The following KIF12 variants were observed in gnomAD, a reference collection of about 807,000 sequenced individuals.
KIF12 encodes the protein kinesin family member 12, also known as kinesin-like protein KIF12.
Under a neutral mutation model 87.9 loss-of-function variants are expected in KIF12, and 80 were observed. The ratio of observed to expected loss-of-function variants is 0.91; its 90% CI spans 0.76 to 1.10. KIF12 has a LOEUF of 1.10. Among genes scored for constraint, KIF12 ranks in the 50% least tolerant of loss-of-function variants. The pLI is 0.00. For missense variants in KIF12, 819 were observed against 865.3 expected (o/e 0.95, Z 0.67); for synonymous variants, 353 against 348.5 (o/e 1.01, Z -0.14).
rs748381825 is a variant in KIF12 at position 114,094,373 on chromosome 9, A to G, written c.1202T>C (p.Leu401Pro). ...QEENRRLQFQLDQMDCKASGL... is the reference protein window; with the variant it reads ...QEENRRLQFQPDQMDCKASGL... Reference sequence around the variant, plus strand: ...CATACCCTTGCAGTCCATTTGGTCCAGCTGGAACTGCAGGCGACGGTTCTC... The same window carrying G: ...CATACCCTTGCAGTCCATTTGGTCCGGCTGGAACTGCAGGCGACGGTTCTC... Residue 401 changes from leucine to proline, a missense_variant, in exon 12 of 19, where the codon CTG (leucine) becomes CCG (proline). Physicochemically the swap from Leu to Pro is moderately conservative, Grantham distance 98. Coordinates refer to ENST00000640217, the MANE Select transcript of KIF12 (RefSeq NM_001388308.1). 1 of 1,613,650 alleles carries G rather than the reference A, an allele frequency of 6.2e-7. No individual in the cohort carries two copies. Among genetic ancestry groups the G allele is most frequent in the Non-Finnish European group, 8.5e-7 (1 of 1,179,664 alleles).
rs762860143 is a variant in KIF12, at chr9:114,096,248, C to G, written c.739-41G>C. 3.7e-6 allele frequency: 6 copies of G among 1,611,428 alleles called. No individual in the cohort carries two copies. The African/African-American group carries it at 4.0e-5, about 11-fold the overall frequency. ...TTCATGGGGACTTGGGAGGGACCGTCCCCATCAAAGCCACAAGGTTATGGG... is the reference window on the plus strand; with the variant it reads ...TTCATGGGGACTTGGGAGGGACCGTGCCCATCAAAGCCACAAGGTTATGGG... On this transcript the variant is annotated intron_variant, in intron 8 of 18. Coordinates refer to ENST00000640217, the MANE Select transcript of KIF12 (RefSeq NM_001388308.1).
rs747357092 is a variant in KIF12, at chr9:114,097,718, G to A, written c.399C>T (p.Pro133=). The A allele has an allele frequency of 6.2e-7, 1 of 1,613,730 alleles. No homozygotes were observed. The highest frequency in any genetic ancestry group is 1.3e-5 in the African/African-American group (1 of 74,918). ...PPQGEGVPVP[P]SLAGIMQRTF... is the part of the protein sequence containing the mutation. ...TCCTCTGCATGATGCCAGCCAGGCTGGGGGGTACAGGCACCCCCTCCCCCT... is the reference window on the plus strand; with the variant it reads ...TCCTCTGCATGATGCCAGCCAGGCTAGGGGGTACAGGCACCCCCTCCCCCT... Residue 133 remains proline (P), a synonymous_variant, in exon 6 of 19, where the codon CCC becomes CCT. Transcript: ENST00000640217.
At chr9:114,093,370 T>C (rs751815267) in intron 15 of KIF12, 37 bp from the exon 16 acceptor site, 1 of 1,554,990 alleles carries the variant, frequency 6.4e-7, no homozygotes, top group Non-Finnish European at 8.7e-7. Flanking sequence ...ATGACATCCC[T>C]ACTTGTCACC....
At position 114,099,040 on chromosome 9, in the gene KIF12, T is replaced by C. The variant is rs1365200635; in HGVS notation, c.93-27A>G. On this transcript the variant is annotated intron_variant, in intron 2 of 18. Transcript: ENST00000640217. ...TGGGGTCCGACAGAAGGGCAGATGGTACATCCTGATGTCTTCCTCGATCCT... is the reference window on the plus strand; with the variant it reads ...TGGGGTCCGACAGAAGGGCAGATGGCACATCCTGATGTCTTCCTCGATCCT... 4 of 1,550,306 alleles carry C rather than the reference T, an allele frequency of 2.6e-6. No individual in the cohort carries two copies. The South Asian group carries it at 4.8e-5, about 18-fold the overall frequency.
chr9:114,095,151 C>T (rs754819773), intron 10 of KIF12, 24 bp from the exon 11 acceptor site: 16 of 1,607,074 alleles, frequency 1.0e-5, no homozygotes, highest in Admixed American at 6.7e-5. Context: ...TCCCCCTGAG[C>T]GCTCCTCTCT....
chr9:114,098,229 C>A, intron 4 of KIF12, 39 bp from the exon 5 acceptor site: 1 of 1,520,314 alleles, frequency 6.6e-7, no homozygotes. Flanking sequence ...CCGGCGGCTA[C>A]CCGGGGTGGG....
Position 114,096,401 on chromosome 9 carries a change from T to C in KIF12, c.724A>G (p.Ile242Val). Residue 242 changes from isoleucine to valine, a missense_variant, in exon 8 of 19, where the codon ATC becomes GTC. By Grantham distance (29) the Ile-to-Val change is conservative (BLOSUM62 3). Transcript: ENST00000640217. Reference protein sequence around the residue: ...SRSHALLTLYISRQTAQQMPS... With the variant: ...SRSHALLTLYVSRQTAQQMPS... ...GGAGCACTCACAGTTTGACGGCTGA[T>C]GTAAAGGGTGAGCAGGGCATGGCTT... 1.2e-6 allele frequency: 2 copies of C among 1,613,052 alleles called. No homozygotes were observed. The highest frequency in any genetic ancestry group is 1.7e-6 in the Non-Finnish European group (2 of 1,179,662).
chr9:114,092,718 A>T, intron 16 of KIF12, 76 bp from the exon 17 acceptor site: 1 of 1,522,658 alleles, frequency 6.6e-7, no homozygotes, highest in South Asian at 1.2e-5. Flanking sequence ...GGTGCTAGCC[A>T]TGACACCCCA....
At position 114,091,941 on chromosome 9, in the gene KIF12, T is replaced by C; in HGVS notation, c.1876A>G (p.Ser626Gly). The change falls in exon 19 of 19, where the codon AGC (serine) becomes GGC (glycine). Residue 626 changes from serine (S) to glycine (G), a missense_variant. Ser to Gly is a moderately conservative substitution (Grantham distance 56). Transcript: ENST00000640217. Reference protein sequence around the residue: ...RLEALRDQIGSSLRRGRSQPP... With the variant: ...RLEALRDQIGGSLRRGRSQPP... The stretch of plus-strand genomic sequence containing the variant: ...TGGCTGCGGCCACGTCGCAGGGAGC[T>C]GCCAATCTGGTCTCTGAGGGCCTCC... 6.2e-7 allele frequency: 1 copy of C among 1,613,006 alleles called. No homozygotes were observed. The highest frequency in any genetic ancestry group is 8.5e-7 in the Non-Finnish European group (1 of 1,179,782).
chr9:114,097,424 G>A lies in KIF12; in HGVS notation c.523C>T (p.Leu175=). Residue 175 remains leucine (L), a synonymous_variant, in exon 7 of 19, where the codon CTG becomes TTG. Coordinates refer to ENST00000640217, the MANE Select transcript of KIF12 (RefSeq NM_001388308.1). ...EIYNEQVRDL[L]SLGSPRPLPV... The stretch of plus-strand genomic sequence containing the variant: ...AGGGGCCGGGGAGACCCCAGGCTCA[G>A]CAAGTCCCGAACCTGGGAGGGGAGG... 6.3e-7 allele frequency: 1 copy of A among 1,594,222 alleles called. No homozygotes were observed.
In KIF12 at chr9:114,091,944, C is replaced by G. The variant is rs770077294; in HGVS notation, c.1873G>C (p.Gly625Arg). Reference sequence around the variant, plus strand: ...CTGCGGCCACGTCGCAGGGAGCTGCCAATCTGGTCTCTGAGGGCCTCCAGT... The same window carrying G: ...CTGCGGCCACGTCGCAGGGAGCTGCGAATCTGGTCTCTGAGGGCCTCCAGT... ...QRLEALRDQI[G>R]SSLRRGRSQP... is the part of the protein sequence containing the mutation. The change falls in exon 19 of 19, where the codon GGC (glycine) becomes CGC (arginine). Residue 625 changes from glycine to arginine, a missense_variant. Transcript: ENST00000640217. 16 of 1,612,876 alleles carry G rather than the reference C, an allele frequency of 9.9e-6. No homozygotes were observed. The highest frequency in any genetic ancestry group is 1.7e-6 in the Non-Finnish European group (2 of 1,179,800).
chr9:114,098,520 CGG>C (rs1491190901), intron 3 of KIF12, 91 bp from the exon 4 acceptor site: 40 of 475,994 alleles, frequency 8.4e-5, no homozygotes, highest in African/African-American at 6.7e-4. Flanking sequence ...GCGGGGCACG[CGG>C]GAGGAGGGCG....
rs757349225 is a variant in KIF12 at position 114,098,926 on chromosome 9, G to A, written c.171+9C>T. ...TTTTATTGGGGAGATAGAGAGAGGGGTTCCTCACCTGCAGAGTCCGGGTCC... is the reference window on the plus strand; with the variant it reads ...TTTTATTGGGGAGATAGAGAGAGGGATTCCTCACCTGCAGAGTCCGGGTCC... On this transcript the variant is annotated intron_variant, in intron 3 of 18. Transcript: ENST00000640217. 1 of 1,546,510 alleles carries A rather than the reference G, an allele frequency of 6.5e-7. No individual in the cohort carries two copies. The highest frequency in any genetic ancestry group is 1.2e-5 in the South Asian group (1 of 83,954).
At position 114,095,325 on chromosome 9, in the gene KIF12, G is replaced by A; in HGVS notation, c.903C>T (p.Cys301=). ...INRSLLALGH[C]ISLLLDPQRK... ...GCTGTGGGTCCAGCAGCAGGGAGAT[G>A]CAGTGACCTGGGGAGGGAGAGCAAG... The change falls in exon 10 of 19, where the codon TGC becomes TGT. Residue 301 remains cysteine, a synonymous_variant. Coordinates refer to ENST00000640217, the MANE Select transcript of KIF12 (RefSeq NM_001388308.1). 6.2e-7 allele frequency: 1 copy of A among 1,613,126 alleles called. No homozygotes were observed. Among genetic ancestry groups the A allele is most frequent in the Non-Finnish European group, 8.5e-7 (1 of 1,179,956 alleles).
chr9:114,095,407 G>T, intron 9 of KIF12, 75 bp from the exon 10 acceptor site: 1 of 1,489,042 alleles, frequency 6.7e-7, no homozygotes, highest in Non-Finnish European at 9.1e-7. Context: ...CTGCAGAGTT[G>T]GGCTCTCCAC....
intron 17 of KIF12, 38 bp downstream of exon 17, chr9:114,092,504 C>T (rs1461645151): frequency 6.2e-7 from 1 of 1,613,480 alleles, no homozygotes; most frequent in Admixed American, 1.7e-5. Context: ...TTCCCCAGAC[C>T]ACCCCTCTCT....
chr9:114,099,096 A>G lies in KIF12; in HGVS notation c.92+8T>C, dbSNP rs565097310. The stretch of plus-strand genomic sequence containing the variant: ...CGCCCAGGTGCCTCCTAGCCAATTT[A>G]TACCCACCTGAGCACCACCTGGATG... On this transcript the variant is annotated splice_region_variant and intron_variant, in intron 2 of 18. Transcript: ENST00000640217. 69 of 1,550,384 alleles carry G rather than the reference A, an allele frequency of 4.5e-5. No homozygotes were observed. The African/African-American group carries it at 8.5e-4, about 19-fold the overall frequency.
intron 3 of KIF12, 82 bp from the exon 4 acceptor site, chr9:114,098,511 CG>C: frequency 2.0e-6 from 1 of 492,064 alleles, no homozygotes; most frequent in East Asian, 1.1e-4. Context: ...TGGAGGAGGG[CG>C]GGGCACGCGG....
chr9:114,098,356 T>A lies in KIF12; in HGVS notation c.245A>T (p.Glu82Val). 3.3e-6 allele frequency: 5 copies of A among 1,497,972 alleles called. No homozygotes were observed. Among genetic ancestry groups the A allele is most frequent in the Non-Finnish European group, 4.4e-6 (5 of 1,128,394 alleles). 92.8% of individuals were successfully genotyped at this position (1,497,972 alleles called of 1,614,324 possible). ...GAVLDAARTQ[E>V]DVFRACGVRR... ...CACGCCGCACGCCCGGAACACGTCC[T>A]CCTGCGTGCGCGCCGCGTCTAGCAC... The change falls in exon 4 of 19, where the codon GAG (glutamate) becomes GTG (valine). Residue 82 changes from glutamate (E) to valine (V), a missense_variant. By Grantham distance (121) the Glu-to-Val change is moderately radical. Coordinates refer to ENST00000640217, the MANE Select transcript of KIF12 (RefSeq NM_001388308.1).
Sources: gnomAD v4.1 joint callset for allele counts on GRCh38, gnomAD v4.1.1 for gene constraint, MANE v1.5 for transcripts, NCBI Gene and HGNC (gene_info 2026-07-23, HGNC 2026-07-21) for gene names.